Variants in RNF38 observed in about 807,000 individuals in gnomAD.
RNF38 encodes E3 ubiquitin-protein ligase RNF38.
In RNF38, 15 loss-of-function variants were observed where a neutral mutation model predicts 67.2. That is an observed-to-expected ratio of 0.22 (90% CI 0.15 to 0.34). The LOEUF is 0.34. RNF38 is among the 10% of genes least tolerant of loss of function. RNF38 has a pLI of 1.00. For missense variants in RNF38, 524 were observed against 639.9 expected, an observed-to-expected ratio of 0.82 and a Z score of 1.95; for synonymous variants, 220 against 218.8, an observed-to-expected ratio of 1.01 and a Z score of -0.05.
intron 6 of RNF38, among the ~76,000 whole-genome samples, chr9:36,353,788 GTGCAGA>G (rs970799852): frequency 3.3e-5 from 5 of 152,172 alleles, no homozygotes; most frequent in Admixed American, 2.6e-4. Context: ...GCATTATGCT[GTGCAGA>G]AAGATTATGG....
chr9:36,361,438 T>C (rs372935021), intron 4 of RNF38, among the ~76,000 whole-genome samples: 302 of 14,300 alleles, frequency 0.021, 1 homozygote, highest in African/African-American at 0.023. Flanking sequence ...GCTGGGATTA[T>C]AGACGTGAGC....
intron 1 of RNF38, among the ~76,000 whole-genome samples, chr9:36,459,691 A>C (rs1839680386): frequency 6.6e-6 from 1 of 152,146 alleles, no homozygotes; most frequent in Non-Finnish European, 1.5e-5. Flanking sequence ...AGTGCTTACA[A>C]AGAAATCCTG....
intron 2 of RNF38, among the ~76,000 whole-genome samples, chr9:36,417,282 G>A (rs1564054732): frequency 6.6e-6 from 1 of 152,060 alleles, no homozygotes; most frequent in Non-Finnish European, 1.5e-5. Flanking sequence ...GAATAATTTC[G>A]GTTTTACTGT....
chr9:36,480,548 C>CTTTTTTTTTTTTTT (rs3072687), intron 1 of RNF38, among the ~76,000 whole-genome samples: 11 of 100,818 alleles, frequency 1.1e-4, no homozygotes, highest in Non-Finnish European at 1.5e-4. Flanking sequence ...TTTTCTTTTT[C>CTTTTTTTTTTTTTT]TTTTTTTTTT....
rs1837169700 is a variant in RNF38 at position 36,392,256 on chromosome 9, A to G, written c.13-1640T>C. On this transcript the variant is annotated intron_variant, in intron 1 of 11. Transcript: ENST00000259605. Reference sequence around the variant, plus strand: ...AGAGTAAAAATACTTCCAAAGACTCACCTAGAAGTAAAAAACAAAGCACTT... The same window carrying G: ...AGAGTAAAAATACTTCCAAAGACTCGCCTAGAAGTAAAAAACAAAGCACTT... Among the ~76,000 whole-genome samples, 6 of 152,354 alleles carry G rather than the reference A, an allele frequency of 3.9e-5. No homozygotes were observed. The South Asian group carries it at 1.2e-3, about 32-fold the overall frequency.
At chr9:36,416,742 ATTTTTTTTTTTTT>A (rs386414907) in intron 2 of RNF38, among the ~76,000 whole-genome samples, 9 of 63,500 alleles carry the variant, frequency 1.4e-4, no homozygotes, top group East Asian at 5.6e-4. Context: ...CTGCCTCGAT[ATTTTTTTTTTTTT>A]TTTTTTTTTT....
intron 2 of RNF38, among the ~76,000 whole-genome samples, chr9:36,418,559 G>A (rs1248889525): frequency 1.3e-5 from 2 of 151,954 alleles, no homozygotes; most frequent in Admixed American, 1.3e-4. Context: ...GCTGAGGCGG[G>A]CAGATCACTT....
At chr9:36,374,943 A>T (rs141637242) in intron 3 of RNF38, among the ~76,000 whole-genome samples, 18 of 152,160 alleles carry the variant, frequency 1.2e-4, no homozygotes, top group Non-Finnish European at 1.5e-5. Context: ...GAGGGGTTAC[A>T]AACATTTGGT....
At chr9:36,400,016 A>T in intron 1 of RNF38, 81 bp downstream of exon 1, 1 of 1,271,372 alleles carries the variant, frequency 7.9e-7, no homozygotes, top group Non-Finnish European at 1.1e-6. Context: ...GTGTGTTTCT[A>T]CTTACGGTAG....
chr9:36,469,597 G>T (rs1452971875), intron 1 of RNF38, among the ~76,000 whole-genome samples: 1 of 152,230 alleles, frequency 6.6e-6, no homozygotes, highest in Non-Finnish European at 1.5e-5. Flanking sequence ...GGAGGTGGAG[G>T]TTGTGGTGAG....
intron 9 of RNF38, among the ~76,000 whole-genome samples, chr9:36,346,752 G>T (rs1232840066): frequency 6.6e-6 from 1 of 152,068 alleles, no homozygotes; most frequent in Non-Finnish European, 1.5e-5. Context: ...ACATTATTTA[G>T]ATAATTGCGT....
At chr9:36,483,207 G>A (rs1840320140) in intron 1 of RNF38, among the ~76,000 whole-genome samples, 1 of 152,086 alleles carries the variant, frequency 6.6e-6, no homozygotes, top group Admixed American at 6.6e-5. Context: ...CCAACATGGT[G>A]AAACCCCGTC....
At chr9:36,465,846 C>T (rs1156881776) in intron 1 of RNF38, among the ~76,000 whole-genome samples, 5 of 151,996 alleles carry the variant, frequency 3.3e-5, no homozygotes, top group African/African-American at 4.8e-5. Flanking sequence ...GTCAGGAGAT[C>T]GGGACCATCC....
intron 2 of RNF38, among the ~76,000 whole-genome samples, chr9:36,409,671 G>A (rs1838274744): frequency 6.6e-6 from 1 of 152,202 alleles, no homozygotes; most frequent in East Asian, 1.9e-4. Flanking sequence ...AATGTGACCA[G>A]CTCACTAAAA....
rs1832445440 is a variant in RNF38, at chr9:36,336,402, T to C, written c.*3350A>G. 1 of 152,070 alleles carries C rather than the reference T, an allele frequency of 6.6e-6. No homozygotes were observed. Among genetic ancestry groups the C allele is most frequent in the Non-Finnish European group, 1.5e-5 (1 of 67,960 alleles). The allele number at this position is 152,070 out of a possible 1,614,324, so 9.4% of individuals were successfully genotyped here. A position where few individuals can be genotyped will look rare whatever the true frequency, so the allele number is the denominator to read the frequency against. ...AGTGACATGAAACACAACAGATGTTTTAAGTGTACATCATACATTTATTAC... is the reference window on the plus strand; with the variant it reads ...AGTGACATGAAACACAACAGATGTTCTAAGTGTACATCATACATTTATTAC... On this transcript the variant is annotated 3_prime_UTR_variant, in exon 12 of 12. Transcript: ENST00000259605.
intron 1 of RNF38, among the ~76,000 whole-genome samples, chr9:36,480,722 T>C (rs564657079): frequency 6.6e-5 from 10 of 151,684 alleles, no homozygotes; most frequent in Admixed American, 2.6e-4. Flanking sequence ...CAGCTAATTT[T>C]TGTATTTTTA....
At chr9:36,463,950 G>C (rs917074297) in intron 1 of RNF38, among the ~76,000 whole-genome samples, 1 of 147,962 alleles carries the variant, frequency 6.8e-6, no homozygotes, top group Non-Finnish European at 1.5e-5. Context: ...GGCGGATCAC[G>C]AGGTCAGGAG....
intron 6 of RNF38, among the ~76,000 whole-genome samples, chr9:36,355,634 T>C (rs1834043142): frequency 6.6e-6 from 1 of 151,994 alleles, no homozygotes; most frequent in South Asian, 2.1e-4. Flanking sequence ...TAGAACCACA[T>C]AAAAAGAAAA....
chr9:36,434,320 G>A (rs1410041987), intron 1 of RNF38, among the ~76,000 whole-genome samples: 24 of 122,088 alleles, frequency 2.0e-4, no homozygotes, highest in Non-Finnish European at 3.5e-4. Flanking sequence ...AGGGGGAGGG[G>A]GATGGGGGAA....
Sources: gnomAD v4.1 joint callset for allele counts (sites outside exome capture counted in the v4.1 genomes callset) on GRCh38, gnomAD v4.1.1 for gene constraint, MANE v1.5 for transcripts, NCBI Gene and HGNC (gene_info 2026-07-23, HGNC 2026-07-21) for gene names.